MTNAP1: variants seen among roughly 807,000 people sequenced by gnomAD.
MTNAP1 encodes the protein mitochondrial nucleoid-associated protein 1.
the MTNAP1 span, chr17:73,242,748 G>A: frequency 9.6e-6 from 6 of 623,016 alleles, no homozygotes; most frequent in Non-Finnish European, 1.7e-5. Flanking sequence ...GTTCTTTGAT[G>A]TTAGCCTTTA....
At chr17:73,247,959 G>A in the MTNAP1 span, 1 of 154,086 alleles carries the variant, frequency 6.5e-6, no homozygotes, top group Non-Finnish European at 1.4e-5. Context: ...AATTGAAGAT[G>A]TTTTCTCAAG....
chr17:73,237,122 A>G, the MTNAP1 span: 11 of 979,830 alleles, frequency 1.1e-5, no homozygotes, highest in South Asian at 2.0e-4. Context: ...GCATGCCAGT[A>G]GACTGCATAT....
At chr17:73,247,061 G>A in the MTNAP1 span, among the ~76,000 whole-genome samples, 119 of 152,220 alleles carry the variant, frequency 7.8e-4, 1 homozygote, top group African/African-American at 2.7e-3. Flanking sequence ...TGTGACCCAC[G>A]GACCAAAGCC....
chr17:73,247,648 A>G, the MTNAP1 span: 12 of 228,346 alleles, frequency 5.3e-5, no homozygotes, highest in African/African-American at 2.7e-4. Flanking sequence ...CTAAAAGGAT[A>G]TCTGCCTTGT....
chr17:73,232,659 T>TG, the MTNAP1 span: 7 of 210,962 alleles, frequency 3.3e-5, no homozygotes, highest in African/African-American at 1.4e-4. Flanking sequence ...GGCAGGGGCC[T>TG]GGGGGGCTTC....
the MTNAP1 span, chr17:73,248,908 A>G: frequency 2.2e-5 from 4 of 183,344 alleles, no homozygotes; most frequent in South Asian, 5.0e-4. Context: ...TGGGGCATCT[A>G]CATACTACTT....
the MTNAP1 span, chr17:73,243,031 A>G: frequency 6.4e-7 from 1 of 1,563,242 alleles, no homozygotes; most frequent in Non-Finnish European, 8.8e-7. Context: ...TCTAGCCTAA[A>G]TAACAGGTCC....
At chr17:73,242,263 C>T in the MTNAP1 span, 2 of 1,594,006 alleles carry the variant, frequency 1.3e-6, 1 homozygote, top group South Asian at 2.3e-5. Context: ...TGGAACGAAG[C>T]TCAACTCATA....
At chr17:73,237,478 T>A in the MTNAP1 span, among the ~76,000 whole-genome samples, 2 of 151,806 alleles carry the variant, frequency 1.3e-5, no homozygotes, top group Admixed American at 1.3e-4. Flanking sequence ...CTTGCTTCAG[T>A]GGTCAGTAGT....
At chr17:73,238,096 G>A in the MTNAP1 span, among the ~76,000 whole-genome samples, 2 of 152,058 alleles carry the variant, frequency 1.3e-5, no homozygotes, top group Admixed American at 1.3e-4. Context: ...GCTGATGGCT[G>A]GAATCGGTTA....
At chr17:73,240,809 T>C in the MTNAP1 span, among the ~76,000 whole-genome samples, 2 of 152,106 alleles carry the variant, frequency 1.3e-5, no homozygotes, top group African/African-American at 4.8e-5. Flanking sequence ...GCTGACAACA[T>C]GGTTGCAATT....
chr17:73,246,220 C>G, the MTNAP1 span, among the ~76,000 whole-genome samples: 119 of 152,302 alleles, frequency 7.8e-4, 1 homozygote, highest in African/African-American at 2.7e-3. Flanking sequence ...GTCAGTTCCT[C>G]TTATGTCCCA....
chr17:73,239,201 G>T, the MTNAP1 span, among the ~76,000 whole-genome samples: 1 of 152,192 alleles, frequency 6.6e-6, no homozygotes, highest in South Asian at 2.1e-4. Context: ...CTCCCAAAGT[G>T]CTGGGATTAC....
At chr17:73,239,045 C>T in the MTNAP1 span, among the ~76,000 whole-genome samples, 2 of 152,118 alleles carry the variant, frequency 1.3e-5, no homozygotes, top group Non-Finnish European at 2.9e-5. Context: ...TCAAGCGATT[C>T]TCCTGCCTCA....
chr17:73,236,578 C>G, the MTNAP1 span: 1 of 1,614,218 alleles, frequency 6.2e-7, no homozygotes, highest in Non-Finnish European at 8.5e-7. Context: ...TTACCAGTTT[C>G]ATTCTGTATC....
At chr17:73,233,612 C>T in the MTNAP1 span, among the ~76,000 whole-genome samples, 2 of 152,230 alleles carry the variant, frequency 1.3e-5, no homozygotes, top group African/African-American at 2.4e-5. Context: ...GCCTGTAGTC[C>T]CAGCACTTTG....
At chr17:73,245,606 T>G in the MTNAP1 span, 4 of 985,296 alleles carry the variant, frequency 4.1e-6, no homozygotes, top group Non-Finnish European at 4.8e-6. Context: ...CAGGAAAGTA[T>G]CTGAATTGGC....
At chr17:73,236,514 G>A in the MTNAP1 span, 1 of 1,614,186 alleles carries the variant, frequency 6.2e-7, no homozygotes, top group South Asian at 1.1e-5. Flanking sequence ...TCACAGGAAA[G>A]GAGTCTCAAG....
chr17:73,242,186 T>A, the MTNAP1 span: 178 of 1,169,120 alleles, frequency 1.5e-4, no homozygotes, highest in Non-Finnish European at 2.1e-4. Flanking sequence ...GCACTGGATG[T>A]TAGGGAAGGG....
Sources: allele counts gnomAD v4.1 joint callset (sites outside exome capture counted in the v4.1 genomes callset), GRCh38; gene constraint gnomAD v4.1.1; transcripts MANE v1.5; gene names NCBI Gene and HGNC (gene_info 2026-07-23, HGNC 2026-07-21).